The following TGFBI variants were observed in gnomAD, a reference collection of about 807,000 sequenced individuals.
TGFBI encodes transforming growth factor-beta-induced protein ig-h3.
In TGFBI, 50 loss-of-function variants were observed where a neutral mutation model predicts 73.7. That is an observed-to-expected ratio of 0.68 (90% CI 0.54 to 0.86). The LOEUF (loss-of-function observed/expected upper bound fraction) is 0.86, where lower values mean the gene tolerates loss of function less well. Among genes scored for constraint, TGFBI ranks in the 40% least tolerant of loss-of-function variants. The probability of loss-of-function intolerance (pLI) is 0.00; values close to 1 mark genes in which losing one functional copy is unlikely to be tolerated. For synonymous variants in TGFBI, 362 were observed against 360.5 expected, an observed-to-expected ratio of 1.00 and a Z score of -0.05; for missense variants, 839 against 877.0, an observed-to-expected ratio of 0.96 and a Z score of 0.55.
intron 2 of TGFBI, among the ~76,000 whole-genome samples, chr5:136,035,416 G>A (rs45601636): frequency 2.0e-5 from 3 of 152,150 alleles, no homozygotes; most frequent in African/African-American, 7.2e-5. Context: ...AAGGTCAGGA[G>A]ACAGAGACCA....
At chr5:136,030,579 A>C (rs1418866577) in intron 1 of TGFBI, among the ~76,000 whole-genome samples, 1 of 152,096 alleles carries the variant, frequency 6.6e-6, no homozygotes, top group African/African-American at 2.4e-5. Flanking sequence ...GAAGTGGGAG[A>C]ATCAGCTTTG....
rs1335835715 is a variant in TGFBI at position 136,046,488 on chromosome 5, T to C, written c.452T>C (p.Leu151Ser). The C allele has an allele frequency of 1.9e-6, 3 of 1,605,988 alleles. No homozygotes were observed. Among genetic ancestry groups the C allele is most frequent in the South Asian group, 1.1e-5 (1 of 90,310 alleles). ...FAPSNEAWAS[L>S]PAEVLDSLVS... ...CCTAGCAACGAGGCCTGGGCCTCCT[T>C]GCCAGCTGTGAGATGACCTCCGTCT... The change falls in exon 4 of 17, where the codon TTG becomes TCG. Residue 151 changes from leucine (L) to serine (S), a missense_variant. Leu to Ser is a moderately radical substitution (Grantham distance 145). Transcript: ENST00000442011.
chr5:136,047,062 C>G (rs1751442738), intron 5 of TGFBI, 47 bp downstream of exon 5: 1 of 1,599,502 alleles, frequency 6.3e-7, no homozygotes, highest in Admixed American at 1.7e-5. Context: ...GCATAATGAA[C>G]CCATTTCTGT....
intron 1 of TGFBI, among the ~76,000 whole-genome samples, chr5:136,029,528 G>C (rs1182615254): frequency 6.6e-6 from 1 of 152,216 alleles, no homozygotes; most frequent in Non-Finnish European, 1.5e-5. Context: ...CAACTCTTTG[G>C]CCATAATCAC....
intron 7 of TGFBI, among the ~76,000 whole-genome samples, chr5:136,051,512 C>T (rs934466074): frequency 1.3e-5 from 2 of 152,216 alleles, no homozygotes; most frequent in African/African-American, 4.8e-5. Context: ...CCTACTTCGT[C>T]CCTTTTGCAA....
At chr5:136,051,803 C>T (rs1751541375) in intron 7 of TGFBI, among the ~76,000 whole-genome samples, 1 of 152,240 alleles carries the variant, frequency 6.6e-6, no homozygotes. Flanking sequence ...GAAGCTCAAT[C>T]CCCAAGGCCT....
intron 2 of TGFBI, among the ~76,000 whole-genome samples, chr5:136,043,018 C>T (rs200820260): frequency 1.1e-4 from 17 of 152,248 alleles, no homozygotes; most frequent in East Asian, 7.7e-4. Context: ...AGCAGTTCTG[C>T]GGTAAAACCC....
At chr5:136,046,254 G>T in intron 3 of TGFBI, 81 bp from the exon 4 acceptor site, 7 of 1,541,840 alleles carry the variant, frequency 4.5e-6, no homozygotes, top group Admixed American at 1.7e-5. Flanking sequence ...TAGATGTACC[G>T]TGCTCTCTGT....
intron 9 of TGFBI, 97 bp downstream of exon 9, chr5:136,054,177 G>A (rs1426998137): frequency 6.7e-6 from 10 of 1,490,080 alleles, no homozygotes; most frequent in Non-Finnish European, 9.1e-6. Flanking sequence ...GCACCCCATG[G>A]GACATTAGAA....
At chr5:136,054,173 C>T in intron 9 of TGFBI, 93 bp downstream of exon 9, 2 of 1,502,360 alleles carry the variant, frequency 1.3e-6, no homozygotes, top group Non-Finnish European at 1.8e-6. Flanking sequence ...TACAGCACCC[C>T]ATGGGACATT....
intron 2 of TGFBI, among the ~76,000 whole-genome samples, chr5:136,042,548 A>G (rs1751357534): frequency 6.6e-6 from 1 of 152,198 alleles, no homozygotes; most frequent in Non-Finnish European, 1.5e-5. Context: ...GTCAATCAAG[A>G]TGAGTCCCAA....
intron 13 of TGFBI, 118 bp from the exon 14 acceptor site, chr5:136,060,716 C>A: frequency 4.1e-6 from 3 of 740,178 alleles, no homozygotes; most frequent in Middle Eastern, 4.3e-4. Context: ...ATCTCAAAAA[C>A]AAAGAACAAG....
chr5:136,056,819 T>C, intron 12 of TGFBI, 24 bp downstream of exon 12: 1 of 1,593,138 alleles, frequency 6.3e-7, no homozygotes, highest in Non-Finnish European at 8.6e-7. Flanking sequence ...TAAGTACACG[T>C]CTCCATTTTT....
chr5:136,037,962 A>G (rs911439938), intron 2 of TGFBI, among the ~76,000 whole-genome samples: 1 of 152,232 alleles, frequency 6.6e-6, no homozygotes, highest in South Asian at 2.1e-4. Flanking sequence ...AGAGGAAAAA[A>G]AAGAAGATGG....
At chr5:136,055,903 T>C in intron 11 of TGFBI, 87 bp downstream of exon 11, 2 of 1,416,486 alleles carry the variant, frequency 1.4e-6, no homozygotes, top group Non-Finnish European at 1.9e-6. Context: ...TCAAGCTTTC[T>C]TCTACCTTGG....
At chr5:136,038,499 G>A (rs996153978) in intron 2 of TGFBI, among the ~76,000 whole-genome samples, 7 of 151,836 alleles carry the variant, frequency 4.6e-5, no homozygotes, top group Non-Finnish European at 1.0e-4. Flanking sequence ...AGCGGGTCAC[G>A]AGGACAGGAG....
At position 136,053,968 on chromosome 5, in the gene TGFBI, A is replaced by G. The variant is rs778606022; in HGVS notation, c.1152A>G (p.Ala384=). The G allele has an allele frequency of 1.9e-6, 3 of 1,613,938 alleles. No homozygotes were observed. The highest frequency in any genetic ancestry group is 2.5e-6 in the Non-Finnish European group (3 of 1,179,894). ...DSAKTLFELA[A]ESDVSTAIDL... ...CCAAGACACTATTTGAATTGGCTGC[A>G]GAGTCTGATGTGTCCACAGCCATTG... The change falls in exon 9 of 17, where the codon GCA becomes GCG. Residue 384 remains alanine (A), a synonymous_variant. Coordinates refer to ENST00000442011, the MANE Select transcript of TGFBI (RefSeq NM_000358.3).
intron 7 of TGFBI, among the ~76,000 whole-genome samples, chr5:136,052,561 G>A (rs1165092405): frequency 3.3e-5 from 5 of 152,190 alleles, no homozygotes; most frequent in Non-Finnish European, 7.4e-5. Flanking sequence ...CTGTTGTCAG[G>A]CCCCGTGCCG....
At chr5:136,047,628 A>C in intron 6 of TGFBI, 1 of 628,096 alleles carries the variant, frequency 1.6e-6, no homozygotes, top group Non-Finnish European at 2.7e-6. Context: ...CTTCTTTATA[A>C]AGTGTTCCCT....
Sources: allele counts gnomAD v4.1 joint callset (sites outside exome capture counted in the v4.1 genomes callset), GRCh38; gene constraint gnomAD v4.1.1; transcripts MANE v1.5; gene names NCBI Gene and HGNC (gene_info 2026-07-23, HGNC 2026-07-21).